The following DDX60 variants were observed in gnomAD, a reference collection of about 807,000 sequenced individuals.
DDX60 encodes DExD/H-box helicase 60.
A neutral mutation model predicts 212.8 loss-of-function variants in DDX60; 165 were observed. The observed-to-expected ratio is 0.78, with a 90% CI of 0.68 to 0.88. DDX60 has a LOEUF of 0.88. Ranked by LOEUF, DDX60 falls within the 40% of genes least tolerant of loss-of-function variation. The pLI is 0.00. For missense variants in DDX60, 1,905 were observed against 2,003.9 expected, an observed-to-expected ratio of 0.95 and a Z score of 0.94; for synonymous variants, 703 against 685.3, an observed-to-expected ratio of 1.03 and a Z score of -0.40.
chr4:168,218,954 T>C (rs972633196), intron 37 of DDX60, among the ~76,000 whole-genome samples: 1 of 152,076 alleles, frequency 6.6e-6, no homozygotes, highest in African/African-American at 2.4e-5. Context: ...TCACTACACA[T>C]GTAAGAATTT....
chr4:168,255,731 G>A lies in DDX60; in HGVS notation c.3537C>T (p.Ser1179=), dbSNP rs1734381242. ...MANKLRKVKK[S]IEKQKIIDEK... is the part of the protein sequence containing the mutation. Reference sequence around the variant, plus strand: ...CTTACATGATCTTTTGTTTCTCTATGGATTTTTTAACTTTTCGAAGTTTGT... The same window carrying A: ...CTTACATGATCTTTTGTTTCTCTATAGATTTTTTAACTTTTCGAAGTTTGT... The change falls in exon 26 of 38, where the codon TCC becomes TCT. Residue 1179 remains serine (S), a synonymous_variant. Transcript: ENST00000393743. The A allele has an allele frequency of 2.5e-6, 4 of 1,590,376 alleles. No homozygotes were observed. Among genetic ancestry groups the A allele is most frequent in the Non-Finnish European group, 3.4e-6 (4 of 1,173,832 alleles).
chr4:168,261,900 A>C, intron 24 of DDX60, 100 bp downstream of exon 24: 1 of 1,337,868 alleles, frequency 7.5e-7, no homozygotes, highest in East Asian at 2.7e-5. Context: ...CTAAAATAAA[A>C]ATTGAGGATT....
intron 30 of DDX60, among the ~76,000 whole-genome samples, chr4:168,244,478 G>A (rs1301967695): frequency 6.6e-6 from 1 of 152,190 alleles, no homozygotes; most frequent in African/African-American, 2.4e-5. Flanking sequence ...TGTAATCCCA[G>A]TACTTTGGGA....
chr4:168,236,379 T>G lies in DDX60; in HGVS notation c.4412-6A>C, dbSNP rs780932532. On this transcript the variant is annotated splice_region_variant and splice_polypyrimidine_tract_variant and intron_variant, in intron 32 of 37. Transcript: ENST00000393743. Reference sequence around the variant, plus strand: ...TTGAGAAAAATGTTTTGAGCCTATATAAAACAAAGTGTCTTCTTGTAAATA... The same window carrying G: ...TTGAGAAAAATGTTTTGAGCCTATAGAAAACAAAGTGTCTTCTTGTAAATA... 28 of 1,593,930 alleles carry G rather than the reference T, an allele frequency of 1.8e-5. No homozygotes were observed. Among genetic ancestry groups the G allele is most frequent in the Non-Finnish European group, 2.4e-5 (28 of 1,170,272 alleles).
chr4:168,280,396 A>G lies in DDX60; in HGVS notation c.1917T>C (p.Val639=), dbSNP rs1441698530. 3 of 1,614,170 alleles carry G rather than the reference A, an allele frequency of 1.9e-6. No homozygotes were observed. The highest frequency in any genetic ancestry group is 1.7e-6 in the Non-Finnish European group (2 of 1,180,022). The stretch of plus-strand genomic sequence containing the variant: ...AGCAAGCAGTTAACCCCACCATTTC[A>G]ACCTGAAGTTTCACACAGCTACTTT... ...SCKSSCVKLQ[V]EMVGLTACLK... The change falls in exon 14 of 38, where the codon GTT becomes GTC. Residue 639 remains valine, a synonymous_variant. Coordinates refer to ENST00000393743, the MANE Select transcript of DDX60 (RefSeq NM_017631.6).
chr4:168,291,536 G>C (rs559943286), intron 8 of DDX60, among the ~76,000 whole-genome samples: 12 of 152,130 alleles, frequency 7.9e-5, no homozygotes, highest in African/African-American at 2.9e-4. Context: ...AAATAGAGAG[G>C]CTTTTTCCTT....
chr4:168,303,118 C>T lies in DDX60; in HGVS notation c.607-702G>A, dbSNP rs113249141. Among the ~76,000 whole-genome samples the T allele has an allele frequency of 6.2e-3, 941 of 151,628 alleles. 6 individuals are homozygous for T. The highest frequency in any genetic ancestry group is 0.011 in the Non-Finnish European group (713 of 67,822). The stretch of plus-strand genomic sequence containing the variant: ...GAGATCGAGACCATCCTGGCTAACA[C>T]GGTGAAACCCCATCTCTACTAAAAA... On this transcript the variant is annotated intron_variant, in intron 5 of 37. Coordinates refer to ENST00000393743, the MANE Select transcript of DDX60 (RefSeq NM_017631.6).
At chr4:168,298,637 C>T (rs1179850305) in intron 6 of DDX60, among the ~76,000 whole-genome samples, 2 of 151,968 alleles carry the variant, frequency 1.3e-5, no homozygotes, top group African/African-American at 2.4e-5. Flanking sequence ...AGAAACTCAC[C>T]TATAGTAACA....
chr4:168,325,804 G>A, the DDX60 span, among the ~76,000 whole-genome samples: 2 of 152,226 alleles, frequency 1.3e-5, no homozygotes, highest in Non-Finnish European at 2.9e-5. Context: ...ACTGTCTTCA[G>A]TGGTTGGCAT....
chr4:168,235,723 A>G, intron 33 of DDX60, among the ~76,000 whole-genome samples: 1 of 152,124 alleles, frequency 6.6e-6, no homozygotes. Context: ...GATGGTAGAG[A>G]ATCATAACCA....
chr4:168,254,818 G>A (rs946599940), intron 26 of DDX60, among the ~76,000 whole-genome samples: 3 of 152,168 alleles, frequency 2.0e-5, no homozygotes, highest in African/African-American at 7.2e-5. Context: ...TCATGGAAAG[G>A]AAGAGGTAGA....
chr4:168,273,520 C>A, intron 17 of DDX60, 122 bp from the exon 18 acceptor site: 1 of 1,111,714 alleles, frequency 9.0e-7, no homozygotes, highest in Non-Finnish European at 1.3e-6. Flanking sequence ...TAACCCCTTT[C>A]ATCAACCCAC....
At chr4:168,310,095 T>C (rs918880243) in intron 3 of DDX60, among the ~76,000 whole-genome samples, 1 of 152,230 alleles carries the variant, frequency 6.6e-6, no homozygotes, top group African/African-American at 2.4e-5. Context: ...AATCAGGAAG[T>C]ACCTTGCCAG....
chr4:168,232,346 A>T (rs1733483113), intron 33 of DDX60, among the ~76,000 whole-genome samples: 2 of 152,092 alleles, frequency 1.3e-5, no homozygotes, highest in African/African-American at 4.8e-5. Flanking sequence ...TTCTTCACAG[A>T]ACTAGAAAAA....
chr4:168,221,074 A>T (rs1166935663), intron 36 of DDX60, among the ~76,000 whole-genome samples: 1 of 152,182 alleles, frequency 6.6e-6, no homozygotes, highest in Non-Finnish European at 1.5e-5. Context: ...ATTCACAATG[A>T]GTCACTTTTT....
intron 20 of DDX60, 126 bp from the exon 21 acceptor site, chr4:168,268,109 C>T (rs1734931234): frequency 1.4e-6 from 1 of 697,418 alleles, no homozygotes; most frequent in Non-Finnish European, 2.2e-6. Context: ...GACTCAGAAG[C>T]CAGACTACCT....
At chr4:168,270,102 A>C (rs1311859117) in intron 19 of DDX60, among the ~76,000 whole-genome samples, 1 of 152,226 alleles carries the variant, frequency 6.6e-6, no homozygotes, top group East Asian at 1.9e-4. Flanking sequence ...TGTCAGCTCC[A>C]GTGTCTAATA....
chr4:168,269,228 C>T (rs188040496), intron 19 of DDX60, among the ~76,000 whole-genome samples: 6 of 152,268 alleles, frequency 3.9e-5, no homozygotes, highest in African/African-American at 1.4e-4. Flanking sequence ...CATATCTCAG[C>T]AGCGTTACCA....
chr4:168,318,923 G>A (rs910844484), upstream of DDX60: 3 of 152,220 alleles, frequency 2.0e-5, no homozygotes, highest in Admixed American at 6.5e-5. Context: ...AGGGGAGCAT[G>A]GCGAGACGTT....
Sources: gnomAD v4.1 joint callset for allele counts (sites outside exome capture counted in the v4.1 genomes callset) on GRCh38, gnomAD v4.1.1 for gene constraint, MANE v1.5 for transcripts, NCBI Gene and HGNC (gene_info 2026-07-23, HGNC 2026-07-21) for gene names.